The following CDC42BPB variants were observed in gnomAD, a reference collection of about 807,000 sequenced individuals.
CDC42BPB encodes the protein CDC42 binding protein kinase beta, also known as serine/threonine-protein kinase MRCK beta.
In CDC42BPB, 37 loss-of-function variants were observed where a neutral mutation model predicts 214.9. The observed-to-expected ratio is 0.17, with a 90% CI of 0.13 to 0.23. The LOEUF (loss-of-function observed/expected upper bound fraction) is 0.23, where lower values mean the gene tolerates loss of function less well. CDC42BPB is among the 10% of genes least tolerant of loss of function. The pLI, the probability that CDC42BPB is intolerant of heterozygous loss-of-function variation, is 1.00. For synonymous variants in CDC42BPB, 931 were observed against 884.0 expected, an observed-to-expected ratio of 1.05 and a Z score of -0.94; for missense variants, 1,694 against 2,227.0, an observed-to-expected ratio of 0.76 and a Z score of 4.82.
At position 102,946,446 on chromosome 14, in the gene CDC42BPB, G is replaced by C. The variant is rs373318984; in HGVS notation, c.3748+22C>G. The C allele has an allele frequency of 5.0e-6, 8 of 1,611,930 alleles. No individual in the cohort carries two copies. The African/African-American group carries it at 1.1e-4, about 21-fold the overall frequency. On this transcript the variant is annotated intron_variant, in intron 28 of 36. Transcript: ENST00000361246. ...AGTGCTGTTGCTTCAGACACCTGAA[G>C]GACACAACCTTTGGGACGTACCCAC...
In CDC42BPB at chr14:102,968,706, C is replaced by T; in HGVS notation, c.2006G>A (p.Gly669Glu). 6.2e-7 allele frequency: 1 copy of T among 1,613,878 alleles called. No individual in the cohort carries two copies. The highest frequency in any genetic ancestry group is 8.5e-7 in the Non-Finnish European group (1 of 1,180,018). The change falls in exon 15 of 37, where the codon GGA becomes GAA. Residue 669 changes from glycine to glutamate, a missense_variant. By Grantham distance (98) the Gly-to-Glu change is moderately conservative. Around this residue, in one of 7 missense-constraint regions of CDC42BPB, gnomAD observed 462 missense variants for 513.5 expected, o/e 0.90. Coordinates refer to ENST00000361246, the MANE Select transcript of CDC42BPB (RefSeq NM_006035.4). The stretch of plus-strand genomic sequence containing the variant: ...TAAGGTGGCACCCGCTCCCCGGCCT[C>T]CTTGCTTCACCTGAAGACAAAGGTT... ...SELEALKVKQ[G>E]GRGAGATLEH...
intron 15 of CDC42BPB, 27 bp downstream of exon 15, chr14:102,968,445 T>C (rs1486095050): frequency 6.2e-7 from 1 of 1,613,622 alleles, no homozygotes; most frequent in South Asian, 1.1e-5. Context: ...TTGCATCTTC[T>C]GAACTGAGAA....
chr14:102,947,787 G>A lies in CDC42BPB; in HGVS notation c.3465C>T (p.Ser1155=), dbSNP rs761892707. ...QVLDLRDDEF[S]VSSVLASDVI... is the part of the protein sequence containing the mutation. ...CATCTGAGGCCAGGACTGAGCTCAC[G>A]GAAAACTCGTCATCTCTGGTAAGGA... The change falls in exon 27 of 37, where the codon TCC becomes TCT. Residue 1155 remains serine, a synonymous_variant. Coordinates refer to ENST00000361246, the MANE Select transcript of CDC42BPB (RefSeq NM_006035.4). The A allele has an allele frequency of 3.7e-6, 6 of 1,612,396 alleles. No individual in the cohort carries two copies. The South Asian group carries it at 5.5e-5, about 15-fold the overall frequency.
intron 30 of CDC42BPB, chr14:102,940,558 T>C (rs1211814776): frequency 1.6e-5 from 18 of 1,138,228 alleles, no homozygotes; most frequent in Non-Finnish European, 2.0e-5. Flanking sequence ...GTAACTAATA[T>C]TTTGAATACT....
chr14:103,047,903 C>CAAAAA (rs376515642), intron 1 of CDC42BPB, among the ~76,000 whole-genome samples: 11 of 127,778 alleles, frequency 8.6e-5, no homozygotes, highest in African/African-American at 2.5e-4. Flanking sequence ...ACTCTGTGTC[C>CAAAAA]AAAAAAAAAA....
At chr14:102,958,990 T>TTAAAG (rs34934742) in intron 21 of CDC42BPB, among the ~76,000 whole-genome samples, 145,833 of 150,936 alleles carry the variant, frequency 0.97, 70,657 homozygotes, top group Middle Eastern at 1. Context: ...AGAATTTGTA[T>TTAAAG]TATTTTCTTG....
At chr14:103,005,537 G>A (rs1490855619) in intron 3 of CDC42BPB, among the ~76,000 whole-genome samples, 4 of 151,668 alleles carry the variant, frequency 2.6e-5, no homozygotes, top group African/African-American at 7.3e-5. Context: ...GTGAGACTCC[G>A]TCTCTACAAA....
In CDC42BPB at chr14:103,031,136, C is replaced by T. The variant is rs74082756; in HGVS notation, c.176-18948G>A. ...ATATTTTTCAGTATTATAAAAACGC[C>T]GGCATGAAGGAAATGAAATAAAAAA... On this transcript the variant is annotated intron_variant, in intron 1 of 36. Coordinates refer to ENST00000361246, the MANE Select transcript of CDC42BPB (RefSeq NM_006035.4). 6.0e-3 allele frequency among the ~76,000 whole-genome samples: 917 copies of T among 151,632 alleles called. 13 individuals carry two copies. The highest frequency in any genetic ancestry group is 0.021 in the African/African-American group (872 of 41,322).
intron 21 of CDC42BPB, among the ~76,000 whole-genome samples, chr14:102,958,437 A>C (rs1892806658): frequency 6.6e-6 from 1 of 152,178 alleles, no homozygotes; most frequent in South Asian, 2.1e-4. Context: ...GAGTTTTCTA[A>C]ATCAAAGGCT....
intron 3 of CDC42BPB, among the ~76,000 whole-genome samples, chr14:103,007,167 C>T (rs555288194): frequency 1.4e-4 from 22 of 152,278 alleles, no homozygotes; most frequent in Admixed American, 4.6e-4. Flanking sequence ...CACAGGCCAC[C>T]GACATTTTGA....
intron 20 of CDC42BPB, among the ~76,000 whole-genome samples, chr14:102,961,020 A>C (rs1188439115): frequency 1.3e-5 from 2 of 152,090 alleles, no homozygotes; most frequent in East Asian, 3.9e-4. Context: ...ATAAATAAAT[A>C]GCCAGGTGTG....
At chr14:103,045,519 C>T (rs919503952) in intron 1 of CDC42BPB, among the ~76,000 whole-genome samples, 10 of 152,142 alleles carry the variant, frequency 6.6e-5, no homozygotes, top group Non-Finnish European at 1.0e-4. Context: ...GTCCAGCCAC[C>T]GTATTTCCAC....
At chr14:102,947,631 G>T in intron 27 of CDC42BPB, 90 bp downstream of exon 27, 2 of 1,148,098 alleles carry the variant, frequency 1.7e-6, no homozygotes, top group Non-Finnish European at 2.6e-6. Flanking sequence ...CACTGGAGGT[G>T]CGCTGATGGC....
At chr14:102,940,181 A>T in intron 31 of CDC42BPB, 46 bp downstream of exon 31, 1 of 1,613,342 alleles carries the variant, frequency 6.2e-7, no homozygotes, top group South Asian at 1.1e-5. Context: ...CACAGACTGC[A>T]CCGGGAGAAG....
In CDC42BPB at chr14:103,004,204, C is replaced by T; in HGVS notation, c.352-181G>A. The T allele has an allele frequency of 3.0e-6, 4 of 1,339,566 alleles. No individual in the cohort carries two copies. Among genetic ancestry groups the T allele is most frequent in the Non-Finnish European group, 3.8e-6 (4 of 1,042,554 alleles). The allele number at this position is 1,339,566 out of a possible 1,614,324, so 83.0% of individuals were successfully genotyped here. A position where few individuals can be genotyped will look rare whatever the true frequency, so the allele number is the denominator to read the frequency against. ...TGAGCCATCCCTCATCCCTTCCTCT[C>T]CCAAGCCCCGTGCAAGTGCCAAGGG... is the stretch of plus-strand genomic sequence containing the variant. On this transcript the variant is annotated intron_variant, in intron 3 of 36. Transcript: ENST00000361246. The surrounding 1 kb of genome is among the most constrained non-coding windows in gnomAD (Gnocchi z 5.3).
chr14:103,030,515 G>T (rs893858315), intron 1 of CDC42BPB, among the ~76,000 whole-genome samples: 4 of 152,048 alleles, frequency 2.6e-5, no homozygotes, highest in African/African-American at 7.3e-5. Flanking sequence ...GGCCAACATG[G>T]TGAAACCCCA....
chr14:102,995,125 C>T (rs1250732032), intron 5 of CDC42BPB, among the ~76,000 whole-genome samples: 1 of 151,796 alleles, frequency 6.6e-6, no homozygotes, highest in Non-Finnish European at 1.5e-5. Flanking sequence ...TTATTTTGTT[C>T]ATACACTATA....
At chr14:103,042,294 TCAA>T (rs1888044830) in intron 1 of CDC42BPB, among the ~76,000 whole-genome samples, 1 of 151,690 alleles carries the variant, frequency 6.6e-6, no homozygotes, top group African/African-American at 2.4e-5. Flanking sequence ...CTCTTAAAAT[TCAA>T]CAAAAACACA....
At position 102,939,592 on chromosome 14, in the gene CDC42BPB, T is replaced by A. The variant is rs116889152; in HGVS notation, c.4827+18A>T. ...GAGATGGGGTGCCCTGCCCGCCCTA[T>A]CCCGGCCGTGCACGCACCAGAGGCA... On this transcript the variant is annotated intron_variant, in intron 34 of 36. Transcript: ENST00000361246. 4 of 1,580,826 alleles carry A rather than the reference T, an allele frequency of 2.5e-6. No homozygotes were observed. Among genetic ancestry groups the A allele is most frequent in the Admixed American group, 1.7e-5 (1 of 59,962 alleles).
Sources: gnomAD v4.1 joint callset for allele counts (sites outside exome capture counted in the v4.1 genomes callset) on GRCh38, gnomAD v4.1.1 for gene constraint, gnomAD v4.1.1 regional missense constraint, Gnocchi (gnomAD v3.1) non-coding constraint, MANE v1.5 for transcripts, NCBI Gene and HGNC (gene_info 2026-07-23, HGNC 2026-07-21) for gene names.